The following MAPK10 variants were observed in gnomAD, a reference collection of about 807,000 sequenced individuals.
MAPK10 encodes the protein JNK3 alpha protein kinase.
MAPK10 carries 25 observed loss-of-function variants against 59.3 expected under a neutral mutation model. The ratio of observed to expected loss-of-function variants is 0.42; its 90% confidence interval spans 0.31 to 0.59. The LOEUF (loss-of-function observed/expected upper bound fraction) is 0.59, where lower values mean the gene tolerates loss of function less well. Ranked by LOEUF, MAPK10 falls within the 20% of genes least tolerant of loss-of-function variation. MAPK10 has a pLI of 0.15. For synonymous variants in MAPK10, 190 were observed against 200.5 expected (o/e 0.95, Z 0.44); for missense variants, 351 against 568.9 (o/e 0.62, Z 3.90).
intron 1 of MAPK10, among the ~76,000 whole-genome samples, chr4:86,525,945 T>C (rs1002322368): frequency 1.3e-5 from 2 of 152,228 alleles, no homozygotes; most frequent in Admixed American, 6.5e-5. Context: ...GTCTACTGTA[T>C]GGCAATAGCT....
intron 1 of MAPK10, among the ~76,000 whole-genome samples, chr4:86,416,518 ATAC>A: frequency 6.6e-6 from 1 of 152,324 alleles, no homozygotes; most frequent in East Asian, 1.9e-4. Flanking sequence ...GGATGGAAGG[ATAC>A]TTCCTATATC....
chr4:86,355,146 T>C, intron 1 of MAPK10, among the ~76,000 whole-genome samples: 1 of 152,188 alleles, frequency 6.6e-6, no homozygotes, highest in Non-Finnish European at 1.5e-5. Flanking sequence ...GTTACTAACC[T>C]ACTTTTTCAC....
Position 86,568,165 on chromosome 4 carries a change from GA to G in MAPK10, c.-263+25744del, listed in dbSNP as rs1761199515. Among the ~76,000 whole-genome samples the G allele has an allele frequency of 3.3e-5, 5 of 152,156 alleles. No individual in the cohort carries two copies. In the South Asian group the frequency reaches 1.0e-3, roughly 32 times the overall value. On this transcript the variant is annotated intron_variant, in intron 1 of 4. Coordinates refer to the MAPK10 transcript ENST00000502302. The stretch of plus-strand genomic sequence containing the variant: ...TATATACCAATAATGATCAAGCTGA[GA>G]ACCAAGTCAGAACTCAATTCCATTT...
intron 2 of MAPK10, among the ~76,000 whole-genome samples, chr4:86,289,622 T>C (rs1345539979): frequency 2.0e-5 from 3 of 149,832 alleles, no homozygotes; most frequent in Admixed American, 6.7e-5. Context: ...TATGTTGTTA[T>C]ATTCCAAAAA....
intron 1 of MAPK10, chr4:86,593,907 T>TA (rs931136190): frequency 2.3e-4 from 35 of 152,328 alleles, no homozygotes; most frequent in African/African-American, 6.5e-4. Flanking sequence ...AGCCAGCACT[T>TA]ACGCATTTTT....
intron 1 of MAPK10, among the ~76,000 whole-genome samples, chr4:86,448,975 T>C (rs984560320): frequency 2.6e-5 from 4 of 152,072 alleles, no homozygotes; most frequent in East Asian, 3.9e-4. Flanking sequence ...CACAATAGGG[T>C]TCCTGCTTCT....
chr4:86,446,797 A>G (rs1160706716), intron 1 of MAPK10, among the ~76,000 whole-genome samples: 1 of 152,080 alleles, frequency 6.6e-6, no homozygotes, highest in East Asian at 1.9e-4. Flanking sequence ...GCCTCCCCCT[A>G]ATTACTAATA....
At chr4:86,593,466 G>A (rs917795188) in intron 1 of MAPK10, among the ~76,000 whole-genome samples, 8 of 152,102 alleles carry the variant, frequency 5.3e-5, no homozygotes, top group African/African-American at 1.9e-4. Context: ...CAAATATTTC[G>A]GCTTGCAGCA....
At chr4:86,263,971 C>T (rs559635341) in intron 2 of MAPK10, among the ~76,000 whole-genome samples, 1 of 152,260 alleles carries the variant, frequency 6.6e-6, no homozygotes, top group Non-Finnish European at 1.5e-5. Context: ...TCTCTCATTG[C>T]TAATTTCTCT....
At chr4:86,167,636 A>C (rs4561895) in intron 3 of MAPK10, among the ~76,000 whole-genome samples, 19,772 of 152,232 alleles carry the variant, frequency 0.13, 1,301 homozygotes, top group Middle Eastern at 0.14. Flanking sequence ...ATCTCAATAG[A>C]TGCAGAAAAG....
At chr4:86,498,899 T>G (rs1371194230) in intron 1 of MAPK10, among the ~76,000 whole-genome samples, 1 of 152,166 alleles carries the variant, frequency 6.6e-6, no homozygotes, top group Non-Finnish European at 1.5e-5. Flanking sequence ...AATAACAAAG[T>G]TCTTAATATT....
chr4:86,352,491 G>C (rs910460826), intron 2 of MAPK10, among the ~76,000 whole-genome samples: 3 of 152,114 alleles, frequency 2.0e-5, no homozygotes, highest in African/African-American at 7.2e-5. Context: ...TGAAGCATAG[G>C]CAGAACTAAG....
At chr4:86,084,316 A>G (rs1159540398) in intron 9 of MAPK10, among the ~76,000 whole-genome samples, 2 of 152,194 alleles carry the variant, frequency 1.3e-5, no homozygotes, top group Admixed American at 1.3e-4. Context: ...GAAGTCAAGT[A>G]ACTCTTGTTT....
chr4:86,076,366 C>T (rs541235030), intron 9 of MAPK10, among the ~76,000 whole-genome samples: 1 of 152,220 alleles, frequency 6.6e-6, no homozygotes, highest in Admixed American at 6.5e-5. Context: ...GCGTCGCTCA[C>T]GCTGGGAGCT....
At chr4:86,105,583 A>G (rs1186562850) in intron 5 of MAPK10, among the ~76,000 whole-genome samples, 1 of 152,144 alleles carries the variant, frequency 6.6e-6, no homozygotes, top group Non-Finnish European at 1.5e-5. Flanking sequence ...CATACAATTG[A>G]TTCATTGCTT....
chr4:86,359,288 CTGTGTGTGTGTG>C (rs1554248575), intron 1 of MAPK10, among the ~76,000 whole-genome samples: 2 of 94,604 alleles, frequency 2.1e-5, no homozygotes, highest in Admixed American at 1.1e-4. Flanking sequence ...CTCTCTCTCT[CTGTGTGTGTGTG>C]TGTGTGTGTG....
chr4:86,316,024 A>AT (rs1472159676), intron 2 of MAPK10, among the ~76,000 whole-genome samples: 6 of 152,030 alleles, frequency 3.9e-5, no homozygotes, highest in African/African-American at 9.7e-5. Flanking sequence ...TTGTCTATAA[A>AT]TTTTTTTTAA....
At chr4:86,408,154 G>C (rs1384195906) in intron 1 of MAPK10, among the ~76,000 whole-genome samples, 1 of 145,406 alleles carries the variant, frequency 6.9e-6, no homozygotes. Context: ...TGCAGTGTTT[G>C]CTTTTCTGTC....
chr4:86,558,716 C>T (rs1021794158), intron 1 of MAPK10, among the ~76,000 whole-genome samples: 11 of 151,760 alleles, frequency 7.2e-5, no homozygotes, highest in African/African-American at 1.9e-4. Flanking sequence ...TTGCTTTCTT[C>T]TTTGCTACAA....
Sources: allele counts gnomAD v4.1 joint callset (sites outside exome capture counted in the v4.1 genomes callset), GRCh38; gene constraint gnomAD v4.1.1; transcripts MANE v1.5; gene names NCBI Gene and HGNC (gene_info 2026-07-23, HGNC 2026-07-21).